Variants in TENM4 observed in about 807,000 individuals in gnomAD.
The protein encoded by TENM4 is teneurin-4.
In TENM4, 82 loss-of-function variants were observed where a neutral mutation model predicts 243.3. The observed-to-expected ratio is 0.34, with a 90% confidence interval of 0.28 to 0.40. The LOEUF is 0.40. Ranked by LOEUF, TENM4 falls within the 10% of genes least tolerant of loss-of-function variation. The pLI, the probability that TENM4 is intolerant of heterozygous loss-of-function variation, is 1.00. For synonymous variants in TENM4, 1,412 were observed against 1,456.3 expected, an observed-to-expected ratio of 0.97 and a Z score of 0.69; for missense variants, 3,138 against 3,673.3, an observed-to-expected ratio of 0.85 and a Z score of 3.77.
intron 9 of TENM4, among the ~76,000 whole-genome samples, chr11:78,871,821 C>T (rs1208060516): frequency 6.6e-6 from 1 of 152,074 alleles, no homozygotes; most frequent in Admixed American, 6.5e-5. Context: ...CATCTCTGCC[C>T]CCCCAGAACC....
intron 32 of TENM4, among the ~76,000 whole-genome samples, chr11:78,665,486 G>A (rs572782874): frequency 6.6e-6 from 1 of 152,260 alleles, no homozygotes; most frequent in East Asian, 1.9e-4. Flanking sequence ...TGGCCAGGGT[G>A]GTCTTGAACT....
chr11:78,961,399 C>G (rs955609488), intron 6 of TENM4, among the ~76,000 whole-genome samples: 3 of 152,142 alleles, frequency 2.0e-5, no homozygotes, highest in Admixed American at 2.0e-4. Context: ...CACCTTGGCT[C>G]AAGTCTAACA....
At chr11:79,033,411 A>G (rs1859296882) in intron 6 of TENM4, among the ~76,000 whole-genome samples, 1 of 152,184 alleles carries the variant, frequency 6.6e-6, no homozygotes, top group Non-Finnish European at 1.5e-5. Flanking sequence ...GAAGGATACT[A>G]ATATTTCCTG....
At chr11:78,791,125 T>A (rs1857047306) in intron 15 of TENM4, among the ~76,000 whole-genome samples, 1 of 152,108 alleles carries the variant, frequency 6.6e-6, no homozygotes. Context: ...GTGCTTGGAT[T>A]CTCTGCAGAT....
chr11:78,776,131 C>A (rs779004319), intron 17 of TENM4, among the ~76,000 whole-genome samples: 1 of 152,172 alleles, frequency 6.6e-6, no homozygotes, highest in Admixed American at 6.5e-5. Context: ...GTCTGCTAAT[C>A]GGTCTTCTTG....
chr11:79,313,032 A>G (rs1382499695), intron 1 of TENM4, among the ~76,000 whole-genome samples: 1 of 152,216 alleles, frequency 6.6e-6, no homozygotes, highest in Non-Finnish European at 1.5e-5. Context: ...ACTGTCAGAA[A>G]TAATCAGCTT....
At chr11:79,177,192 T>C (rs1227597598) in intron 3 of TENM4, among the ~76,000 whole-genome samples, 2 of 152,070 alleles carry the variant, frequency 1.3e-5, no homozygotes. Context: ...ATATTGGTAT[T>C]CAGTATATAA....
At chr11:79,193,067 T>G (rs776546260) in intron 3 of TENM4, 1 of 152,376 alleles carries the variant, frequency 6.6e-6, no homozygotes, top group Admixed American at 6.5e-5. Flanking sequence ...GAGGCCCTGA[T>G]TGATGCCCAG....
intron 12 of TENM4, among the ~76,000 whole-genome samples, chr11:78,834,331 C>T (rs923354718): frequency 1.3e-5 from 2 of 152,070 alleles, no homozygotes; most frequent in African/African-American, 2.4e-5. Flanking sequence ...GTTCTCTTCT[C>T]CTATATTATT....
intron 1 of TENM4, among the ~76,000 whole-genome samples, chr11:79,309,893 C>G (rs1187057093): frequency 6.6e-6 from 1 of 152,216 alleles, no homozygotes; most frequent in Non-Finnish European, 1.5e-5. Flanking sequence ...GCTGCCCATG[C>G]TGTTCCCCCA....
In TENM4 at chr11:79,296,522, C is replaced by A. The variant is rs750026892; in HGVS notation, c.-265+966G>T. On this transcript the variant is annotated intron_variant, in intron 2 of 33. Coordinates refer to ENST00000278550, the MANE Select transcript of TENM4 (RefSeq NM_001098816.3). ...AATCAGCTAGATGCAGAAAAGAATC[C>A]CTTGCAGAAAATTATCCCACCACCA... 1.7e-3 allele frequency among the ~76,000 whole-genome samples: 265 copies of A among 152,174 alleles called. 3 individuals carry two copies. The highest frequency in any genetic ancestry group is 4.6e-4 in the Admixed American group (7 of 15,284).
At chr11:79,086,890 A>C (rs1295592583) in intron 4 of TENM4, among the ~76,000 whole-genome samples, 1 of 151,382 alleles carries the variant, frequency 6.6e-6, no homozygotes, top group Non-Finnish European at 1.5e-5. Flanking sequence ...AATGCTGCCT[A>C]GTGTTTAAAT....
Position 78,695,475 on chromosome 11 carries a change from T to C in TENM4, c.5087+6051A>G, listed in dbSNP as rs1858937444. On this transcript the variant is annotated intron_variant, in intron 28 of 33. Coordinates refer to ENST00000278550, the MANE Select transcript of TENM4 (RefSeq NM_001098816.3). The stretch of plus-strand genomic sequence containing the variant: ...GCCTCCTGGATTTAAGTGATTCTCC[T>C]GCCTCAGCCTCCCGAGTAGCTGGGA... Among the ~76,000 whole-genome samples, 5 of 152,292 alleles carry C rather than the reference T, an allele frequency of 3.3e-5. No homozygotes were observed. The South Asian group carries it at 1.0e-3, about 32-fold the overall frequency.
intron 4 of TENM4, among the ~76,000 whole-genome samples, chr11:79,107,254 T>C (rs1030164823): frequency 6.6e-6 from 1 of 152,012 alleles, no homozygotes; most frequent in South Asian, 2.1e-4. Flanking sequence ...TTTTACTGTA[T>C]ACAAGACTGC....
intron 6 of TENM4, among the ~76,000 whole-genome samples, chr11:79,037,015 C>CA (rs369421583): frequency 8.8e-5 from 8 of 91,080 alleles, no homozygotes; most frequent in East Asian, 9.0e-4. Context: ...GACTCCATCT[C>CA]AAAAAAAAAA....
intron 1 of TENM4, among the ~76,000 whole-genome samples, chr11:79,298,331 A>C (rs1224518786): frequency 6.6e-6 from 1 of 151,552 alleles, no homozygotes; most frequent in Non-Finnish European, 1.5e-5. Context: ...CTGGCTAACA[A>C]GGTGAAACCC....
At chr11:79,307,725 C>T (rs1856650255) in intron 1 of TENM4, among the ~76,000 whole-genome samples, 1 of 152,192 alleles carries the variant, frequency 6.6e-6, no homozygotes, top group Non-Finnish European at 1.5e-5. Flanking sequence ...GGGCTTTTTG[C>T]TCTCTCTGTG....
At chr11:78,773,375 C>T (rs930455070) in intron 17 of TENM4, among the ~76,000 whole-genome samples, 33 of 152,090 alleles carry the variant, frequency 2.2e-4, no homozygotes, top group Admixed American at 2.6e-4. Flanking sequence ...GTTTTGGGGG[C>T]GGTTAAGTAA....
At chr11:78,948,927 C>G (rs758561493) in intron 6 of TENM4, among the ~76,000 whole-genome samples, 1 of 152,104 alleles carries the variant, frequency 6.6e-6, no homozygotes, top group African/African-American at 2.4e-5. Flanking sequence ...GCAAGTGTAC[C>G]TCATGTGTGA....
Sources: gnomAD v4.1 joint callset for allele counts (sites outside exome capture counted in the v4.1 genomes callset) on GRCh38, gnomAD v4.1.1 for gene constraint, MANE v1.5 for transcripts, NCBI Gene and HGNC (gene_info 2026-07-23, HGNC 2026-07-21) for gene names.